ZSCAN21: variants seen among roughly 807,000 people sequenced by gnomAD.
The protein encoded by ZSCAN21 is zinc finger and SCAN domain containing 21.
Under a neutral mutation model 35.6 loss-of-function variants are expected in ZSCAN21, and 26 were observed. That is an observed-to-expected ratio of 0.73 (90% CI 0.54 to 1.01). The LOEUF (loss-of-function observed/expected upper bound fraction) is 1.01. Ranked by LOEUF, ZSCAN21 falls within the 50% of genes least tolerant of loss-of-function variation. The pLI, the probability that ZSCAN21 is intolerant of heterozygous loss-of-function variation, is 0.00. For missense variants in ZSCAN21, 593 were observed against 587.1 expected (o/e 1.01, Z -0.10); for synonymous variants, 219 against 219.3 (o/e 1.00, Z 0.01).
chr7:100,055,686 G>C (rs1792047857), intron 1 of ZSCAN21, among the ~76,000 whole-genome samples: 1 of 150,498 alleles, frequency 6.6e-6, no homozygotes, highest in Non-Finnish European at 1.5e-5. Flanking sequence ...TGTCACCCAG[G>C]CTGGAGTGCA....
chr7:100,054,540 G>A (rs189931044), intron 1 of ZSCAN21, among the ~76,000 whole-genome samples: 169 of 152,028 alleles, frequency 1.1e-3, no homozygotes, highest in Non-Finnish European at 2.2e-4. Context: ...GTGAGTCACC[G>A]CACCCCGCCT....
Position 100,057,702 on chromosome 7 carries a change from C to G in ZSCAN21, c.404C>G (p.Ser135Ter). ...RELDEPGHQV[S>*]TPPNEQKPVW... ...GCCATTCCTGATTGTCTCTAGGTCT[C>G]AACTCCTCCAAACGAACAGAAACCG... The change falls in exon 3 of 4, where the codon TCA (serine) becomes TGA (stop). Residue 135 changes from serine (S) to a stop codon, truncating the protein, a stop_gained. Coordinates refer to ENST00000292450, the MANE Select transcript of ZSCAN21 (RefSeq NM_145914.3). LOFTEE classifies it high-confidence loss of function. The G allele has an allele frequency of 6.2e-7, 1 of 1,609,080 alleles. No individual in the cohort carries two copies. Among genetic ancestry groups the G allele is most frequent in the South Asian group, 1.1e-5 (1 of 90,300 alleles).
chr7:100,053,677 G>T (rs1216524799), intron 1 of ZSCAN21, among the ~76,000 whole-genome samples: 1 of 150,490 alleles, frequency 6.6e-6, no homozygotes, highest in Admixed American at 6.7e-5. Flanking sequence ...AGCCTCCCAA[G>T]TAGCTGGGAT....
chr7:100,053,204 G>A (rs1303193269), intron 1 of ZSCAN21, among the ~76,000 whole-genome samples: 1 of 151,730 alleles, frequency 6.6e-6, no homozygotes, highest in Non-Finnish European at 1.5e-5. Flanking sequence ...CTGCCCAGCA[G>A]CAACATCCAA....
chr7:100,058,943 C>G (rs1243736101), intron 3 of ZSCAN21, among the ~76,000 whole-genome samples: 10 of 152,230 alleles, frequency 6.6e-5, no homozygotes, highest in Admixed American at 6.5e-4. Context: ...ATGGGTTCTA[C>G]TCTTAAGTAC....
At chr7:100,062,804 G>A (rs1382749031) in intron 3 of ZSCAN21, among the ~76,000 whole-genome samples, 2 of 152,104 alleles carry the variant, frequency 1.3e-5, no homozygotes, top group Non-Finnish European at 2.9e-5. Flanking sequence ...GAACCCAGGA[G>A]CGGAGACTGC....
chr7:100,058,410 G>C (rs1244385778), intron 3 of ZSCAN21, among the ~76,000 whole-genome samples: 1 of 152,146 alleles, frequency 6.6e-6, no homozygotes, highest in Non-Finnish European at 1.5e-5. Flanking sequence ...CCCTCCTCCT[G>C]CCCTTAAATC....
At chr7:100,059,517 A>G (rs1792202951) in intron 3 of ZSCAN21, among the ~76,000 whole-genome samples, 1 of 151,962 alleles carries the variant, frequency 6.6e-6, no homozygotes, top group African/African-American at 2.4e-5. Flanking sequence ...CTCCTAAGGA[A>G]AGGGAAGTTG....
chr7:100,053,572 A>G (rs1278137539), intron 1 of ZSCAN21, among the ~76,000 whole-genome samples: 1 of 106,640 alleles, frequency 9.4e-6, no homozygotes, highest in Non-Finnish European at 2.0e-5. Flanking sequence ...TTTTTTTGCA[A>G]CAGAGTCTTA....
intron 3 of ZSCAN21, among the ~76,000 whole-genome samples, chr7:100,058,328 C>A (rs952234103): frequency 6.6e-6 from 1 of 152,152 alleles, no homozygotes; most frequent in Non-Finnish European, 1.5e-5. Flanking sequence ...AGGAGGGGGT[C>A]ACTTGATAGA....
At chr7:100,057,923 C>T (rs746631117) in intron 3 of ZSCAN21, 33 bp downstream of exon 3, 2 of 1,471,458 alleles carry the variant, frequency 1.4e-6, no homozygotes, top group Non-Finnish European at 1.8e-6. Context: ...CTATTCAGTG[C>T]CCCAGGCCCC....
chr7:100,054,965 T>G (rs1197217381), intron 1 of ZSCAN21, among the ~76,000 whole-genome samples: 1 of 151,066 alleles, frequency 6.6e-6, no homozygotes, highest in Non-Finnish European at 1.5e-5. Flanking sequence ...CTCTTTTTTT[T>G]TTTTTTTTGA....
chr7:100,064,722 ATCAC>A lies in ZSCAN21; in HGVS notation c.*109_*112del. ...CATCGATTCCGGTGATAGAGTTTGT[ATCAC>A]TCAACATCAGGGGATGCCTGAGGAG... is the stretch of plus-strand genomic sequence containing the variant. On this transcript the variant is annotated 3_prime_UTR_variant, in exon 4 of 4. Transcript: ENST00000292450. 1.2e-6 allele frequency: 2 copies of A among 1,611,826 alleles called. No individual in the cohort carries two copies. The highest frequency in any genetic ancestry group is 3.3e-5 in the Admixed American group (2 of 59,796).
intron 1 of ZSCAN21, among the ~76,000 whole-genome samples, chr7:100,051,171 T>A (rs1305791734): frequency 9.6e-5 from 2 of 20,766 alleles, no homozygotes; most frequent in Admixed American, 6.7e-4. Flanking sequence ...AGAGTGAAAC[T>A]ACGTCTCAAA....
intron 1 of ZSCAN21, among the ~76,000 whole-genome samples, chr7:100,056,233 G>T (rs1395710301): frequency 6.6e-6 from 1 of 152,042 alleles, no homozygotes; most frequent in East Asian, 1.9e-4. Flanking sequence ...GAGCCACCAT[G>T]CCTGGCCTTG....
At chr7:100,056,569 A>G (rs529628610) in intron 1 of ZSCAN21, among the ~76,000 whole-genome samples, 15 of 151,890 alleles carry the variant, frequency 9.9e-5, no homozygotes, top group African/African-American at 3.1e-4. Flanking sequence ...GGTTCAAGCA[A>G]TTCTCCTGCC....
Position 100,057,741 on chromosome 7 carries a change from T to C in ZSCAN21, c.443T>C (p.Ile148Thr), listed in dbSNP as rs759107199. The C allele has an allele frequency of 6.2e-7, 1 of 1,613,876 alleles. No homozygotes were observed. ...PNEQKPVWEK[I>T]SSSGTAKESP... ...GAACAGAAACCGGTGTGGGAGAAGA[T>C]ATCCTCCTCAGGAACTGCAAAGGAA... Residue 148 changes from isoleucine to threonine, a missense_variant, in exon 3 of 4, where the codon ATA becomes ACA. Ile to Thr is a moderately conservative substitution (Grantham distance 89, BLOSUM62 -1). Coordinates refer to ENST00000292450, the MANE Select transcript of ZSCAN21 (RefSeq NM_145914.3).
chr7:100,055,886 C>T (rs1411639051), intron 1 of ZSCAN21, among the ~76,000 whole-genome samples: 4 of 150,874 alleles, frequency 2.7e-5, no homozygotes, highest in African/African-American at 7.3e-5. Context: ...TCGTGATCCG[C>T]CCGCCTTGGC....
intron 3 of ZSCAN21, among the ~76,000 whole-genome samples, chr7:100,058,904 A>G (rs919937897): frequency 6.6e-6 from 1 of 152,174 alleles, no homozygotes; most frequent in African/African-American, 2.4e-5. Context: ...TATGTTGCCC[A>G]AGCTGGCCCT....
Sources: allele counts gnomAD v4.1 joint callset (sites outside exome capture counted in the v4.1 genomes callset), GRCh38; gene constraint gnomAD v4.1.1; transcripts MANE v1.5; gene names NCBI Gene and HGNC (gene_info 2026-07-23, HGNC 2026-07-21).